The following LGSN variants were observed in gnomAD, a reference collection of about 807,000 sequenced individuals.
LGSN encodes the protein lengsin.
A neutral mutation model predicts 19.5 loss-of-function variants in LGSN; 21 were observed. The ratio of observed to expected loss-of-function variants is 1.07; its 90% CI spans 0.76 to 1.55. The LOEUF (loss-of-function observed/expected upper bound fraction) is 1.55. LGSN is among the 40% of genes most tolerant of loss of function. The pLI, the probability that LGSN is intolerant of heterozygous loss-of-function variation, is 0.00. For missense variants in LGSN, 673 were observed against 608.5 expected, an observed-to-expected ratio of 1.11 and a Z score of -1.12; for synonymous variants, 257 against 215.6, an observed-to-expected ratio of 1.19 and a Z score of -1.68.
the LGSN span, among the ~76,000 whole-genome samples, chr6:63,448,056 G>T: frequency 6.6e-6 from 1 of 152,084 alleles, no homozygotes; most frequent in Non-Finnish European, 1.5e-5. Flanking sequence ...TTGTATAGTT[G>T]TGCCTCATAA....
chr6:63,572,857 G>T, the LGSN span: 1 of 394,102 alleles, frequency 2.5e-6, no homozygotes, highest in Non-Finnish European at 4.5e-6. Flanking sequence ...CCGGGTGGGA[G>T]CGGGCGGGTT....
chr6:63,502,300 A>C, the LGSN span, among the ~76,000 whole-genome samples: 2 of 152,226 alleles, frequency 1.3e-5, no homozygotes, highest in African/African-American at 2.4e-5. Context: ...GGTGAAGTCT[A>C]GGATAATCAC....
intron 2 of LGSN, among the ~76,000 whole-genome samples, chr6:63,292,922 A>G (rs1002643092): frequency 1.3e-5 from 2 of 152,214 alleles, no homozygotes; most frequent in Non-Finnish European, 2.9e-5. Flanking sequence ...AATGTGGTAG[A>G]CACTATCCCT....
chr6:63,430,979 T>C, the LGSN span, among the ~76,000 whole-genome samples: 1 of 152,232 alleles, frequency 6.6e-6, no homozygotes, highest in African/African-American at 2.4e-5. Context: ...ATTCATTTTG[T>C]TATTGCCTTC....
the LGSN span, among the ~76,000 whole-genome samples, chr6:63,444,473 A>G: frequency 3.5e-4 from 54 of 152,332 alleles, no homozygotes; most frequent in Non-Finnish European, 6.3e-4. Flanking sequence ...GGCTCTTTAT[A>G]TGTAAGGAAT....
the LGSN span, among the ~76,000 whole-genome samples, chr6:63,361,036 C>T: frequency 1.3e-5 from 2 of 152,332 alleles, no homozygotes; most frequent in African/African-American, 4.8e-5. Context: ...CAGAGGAGTA[C>T]CCAGCCATGT....
the LGSN span, among the ~76,000 whole-genome samples, chr6:63,448,358 T>G: frequency 6.6e-6 from 1 of 152,232 alleles, no homozygotes; most frequent in Non-Finnish European, 1.5e-5. Flanking sequence ...ATTTAGCTTA[T>G]GCCTAAATCT....
the LGSN span, among the ~76,000 whole-genome samples, chr6:63,346,100 T>C: frequency 6.6e-6 from 1 of 152,174 alleles, no homozygotes; most frequent in Non-Finnish European, 1.5e-5. Context: ...AAAACTCTTC[T>C]AATTTCCTGA....
upstream of LGSN, among the ~76,000 whole-genome samples, chr6:63,322,049 T>C (rs1007518802): frequency 1.2e-4 from 18 of 152,218 alleles, no homozygotes; most frequent in African/African-American, 3.9e-4. Flanking sequence ...TGAGAACAGA[T>C]TGCAGAAGCT....
the LGSN span, among the ~76,000 whole-genome samples, chr6:63,326,500 G>A: frequency 6.6e-6 from 1 of 152,222 alleles, no homozygotes; most frequent in Admixed American, 6.5e-5. Flanking sequence ...TGGAGCAGGG[G>A]GTGGCGCTTG....
chr6:63,407,729 A>G, the LGSN span, among the ~76,000 whole-genome samples: 1 of 152,190 alleles, frequency 6.6e-6, no homozygotes, highest in Non-Finnish European at 1.5e-5. Flanking sequence ...GGAAAAGAGG[A>G]AGTCAAATTG....
At chr6:63,365,263 C>T in the LGSN span, among the ~76,000 whole-genome samples, 343 of 152,174 alleles carry the variant, frequency 2.3e-3, 2 homozygotes, top group African/African-American at 7.9e-3. Flanking sequence ...ATATCACCAT[C>T]GATCCCACAG....
At chr6:63,383,567 T>A in the LGSN span, among the ~76,000 whole-genome samples, 1 of 152,046 alleles carries the variant, frequency 6.6e-6, no homozygotes, top group Admixed American at 6.6e-5. Context: ...AATTATGCCC[T>A]CATAAATAAA....
the LGSN span, among the ~76,000 whole-genome samples, chr6:63,416,496 T>C: frequency 6.6e-6 from 1 of 152,242 alleles, no homozygotes; most frequent in Non-Finnish European, 1.5e-5. Context: ...TGGGTTAAAA[T>C]AAACTGAATC....
the LGSN span, among the ~76,000 whole-genome samples, chr6:63,426,079 A>G: frequency 6.6e-6 from 1 of 152,170 alleles, no homozygotes; most frequent in African/African-American, 2.4e-5. Flanking sequence ...AAGGACCACA[A>G]TTCTCAGAAA....
At chr6:63,385,299 G>A in the LGSN span, among the ~76,000 whole-genome samples, 1 of 152,142 alleles carries the variant, frequency 6.6e-6, no homozygotes, top group Non-Finnish European at 1.5e-5. Context: ...TCCATGTTGA[G>A]TATGGCAGAT....
chr6:63,357,884 G>A, the LGSN span, among the ~76,000 whole-genome samples: 1 of 152,078 alleles, frequency 6.6e-6, no homozygotes, highest in Non-Finnish European at 1.5e-5. Flanking sequence ...TGCTTTTGGT[G>A]TTTTAGACAT....
chr6:63,572,124 CAT>C, the LGSN span: 1 of 152,342 alleles, frequency 6.6e-6, no homozygotes, highest in African/African-American at 2.4e-5. Flanking sequence ...CCTCATGTGA[CAT>C]GTGTGCACTC....
the LGSN span, among the ~76,000 whole-genome samples, chr6:63,476,990 TG>T: frequency 6.6e-6 from 1 of 152,228 alleles, no homozygotes; most frequent in African/African-American, 2.4e-5. Flanking sequence ...GGCTTTTAAT[TG>T]AAACCCTTCC....
Sources: gnomAD v4.1 joint callset for allele counts (sites outside exome capture counted in the v4.1 genomes callset) on GRCh38, gnomAD v4.1.1 for gene constraint, MANE v1.5 for transcripts, NCBI Gene and HGNC (gene_info 2026-07-23, HGNC 2026-07-21) for gene names.